The following BABAM2 variants were observed in gnomAD, a reference collection of about 807,000 sequenced individuals.
BABAM2 encodes the protein BRISC and BRCA1-A complex member 2.
In BABAM2, 31 loss-of-function variants were observed where a neutral mutation model predicts 54.7. That is an observed-to-expected ratio of 0.57 (90% CI 0.43 to 0.77). The LOEUF (loss-of-function observed/expected upper bound fraction) is 0.77, where lower values mean the gene tolerates loss of function less well. Among genes scored for constraint, BABAM2 ranks in the 30% least tolerant of loss-of-function variants. BABAM2 has a pLI of 0.00. For synonymous variants in BABAM2, 167 were observed against 162.9 expected (o/e 1.03, Z -0.19); for missense variants, 364 against 455.8 (o/e 0.80, Z 1.83).
At position 28,335,767 on chromosome 2, in the gene BABAM2, C is replaced by A. The variant is rs1020388183; in HGVS notation, c.1089-2683C>A. Among the ~76,000 whole-genome samples the A allele has an allele frequency of 3.3e-5, 5 of 152,122 alleles. No individual in the cohort carries two copies. The East Asian group carries it at 5.8e-4, about 18-fold the overall frequency. ...AGTATTTGTCCTGAGCATGAATAAG[C>A]CCAGAGGTGGCAAATGGCATGTGTG... is the stretch of plus-strand genomic sequence containing the variant. On this transcript the variant is annotated intron_variant, in intron 11 of 11. Coordinates refer to ENST00000379624, the MANE Select transcript of BABAM2 (RefSeq NM_199191.3).
intron 11 of BABAM2, among the ~76,000 whole-genome samples, chr2:28,312,199 G>A (rs558207850): frequency 6.6e-6 from 1 of 152,322 alleles, no homozygotes; most frequent in South Asian, 2.1e-4. Context: ...TGTCCATTGT[G>A]TGCATATCAT....
intron 6 of BABAM2, among the ~76,000 whole-genome samples, chr2:28,075,528 T>TTCTCTCTC (rs3056389): frequency 5.3e-5 from 8 of 150,244 alleles, no homozygotes; most frequent in African/African-American, 2.0e-4. Context: ...CATCACGTTT[T>TTCTCTCTC]TCTCTCTCTC....
chr2:28,243,403 G>A (rs986329148), intron 9 of BABAM2, among the ~76,000 whole-genome samples: 2 of 152,064 alleles, frequency 1.3e-5, no homozygotes, highest in Non-Finnish European at 1.5e-5. Context: ...GTGGTGGCGG[G>A]TGCCTGTAAT....
chr2:27,900,857 C>T (rs908292750), intron 2 of BABAM2, among the ~76,000 whole-genome samples: 6 of 152,010 alleles, frequency 3.9e-5, no homozygotes, highest in Non-Finnish European at 7.4e-5. Context: ...TCCTGGCTAA[C>T]ACGGTGAAAC....
At chr2:28,183,739 T>TCACACACC (rs1553336499) in intron 7 of BABAM2, among the ~76,000 whole-genome samples, 2 of 133,124 alleles carry the variant, frequency 1.5e-5, no homozygotes, top group Non-Finnish European at 3.4e-5. Context: ...TGGATGAAGA[T>TCACACACC]CACACACACA....
intron 1 of BABAM2, among the ~76,000 whole-genome samples, chr2:27,892,863 C>T (rs1231311420): frequency 2.0e-5 from 3 of 152,042 alleles, no homozygotes; most frequent in Non-Finnish European, 4.4e-5. Context: ...TTTATATTTA[C>T]AAAAAGGATG....
At chr2:28,305,421 A>G (rs762934802) in intron 11 of BABAM2, among the ~76,000 whole-genome samples, 9 of 152,134 alleles carry the variant, frequency 5.9e-5, no homozygotes, top group Non-Finnish European at 1.2e-4. Flanking sequence ...CCTGTTTTAT[A>G]TTATTAAATT....
At chr2:27,957,233 G>T (rs1350066325) in intron 3 of BABAM2, among the ~76,000 whole-genome samples, 1 of 152,180 alleles carries the variant, frequency 6.6e-6, no homozygotes, top group Non-Finnish European at 1.5e-5. Context: ...ACAATCTCCT[G>T]TAGAAAGAAA....
chr2:28,306,579 CCTTT>C (rs1195696039), intron 11 of BABAM2, among the ~76,000 whole-genome samples: 1 of 151,866 alleles, frequency 6.6e-6, no homozygotes, highest in Non-Finnish European at 1.5e-5. Flanking sequence ...TTTTTTTCAT[CCTTT>C]CTTTATCCTG....
intron 10 of BABAM2, among the ~76,000 whole-genome samples, chr2:28,248,207 C>CTTTTTCTTTTTT (rs1553349503): frequency 0.021 from 1,155 of 54,216 alleles, 187 homozygotes; most frequent in Non-Finnish European, 0.031. Flanking sequence ...TTTTCTTTTT[C>CTTTTTCTTTTTT]TTTTTTTTTT....
At chr2:28,234,848 C>T (rs528486725) in intron 7 of BABAM2, among the ~76,000 whole-genome samples, 2 of 152,338 alleles carry the variant, frequency 1.3e-5, no homozygotes, top group Non-Finnish European at 2.9e-5. Context: ...AGACAAAAAG[C>T]CTTCCTCTTG....
chr2:27,951,221 A>G (rs1669695500), intron 3 of BABAM2, among the ~76,000 whole-genome samples: 1 of 152,088 alleles, frequency 6.6e-6, no homozygotes, highest in Admixed American at 6.6e-5. Flanking sequence ...TTCGTAGTTT[A>G]TTAACATGGT....
intron 2 of BABAM2, among the ~76,000 whole-genome samples, chr2:27,915,321 G>A (rs913923000): frequency 6.6e-6 from 1 of 152,124 alleles, no homozygotes; most frequent in Non-Finnish European, 1.5e-5. Context: ...TTGAATACTC[G>A]TGACAGCAAG....
intron 7 of BABAM2, among the ~76,000 whole-genome samples, chr2:28,176,569 C>CAAAAAA (rs778275011): frequency 0.013 from 63 of 5,040 alleles, 26 homozygotes; most frequent in African/African-American, 0.016. Flanking sequence ...GACTCTATCT[C>CAAAAAA]AAAAAAAAAA....
rs545389949 is a variant in BABAM2, at chr2:28,319,296, T to C, written c.1089-19154T>C. ...ACAAAGAAAAGGCTCCCCCTTTGGG[T>C]TGGTGCAGAGTTAGCTTTAGGTAAA... On this transcript the variant is annotated intron_variant, in intron 11 of 11. Transcript: ENST00000379624. Among the ~76,000 whole-genome samples the C allele has an allele frequency of 2.0e-5, 3 of 152,326 alleles. No homozygotes were observed. In the South Asian group the frequency reaches 6.2e-4, roughly 32 times the overall value.
chr2:28,058,177 A>AT (rs985405812), intron 6 of BABAM2, among the ~76,000 whole-genome samples: 8 of 151,982 alleles, frequency 5.3e-5, no homozygotes, highest in Admixed American at 1.3e-4. Context: ...AAGAACAAGC[A>AT]TTTTTTTAGG....
At chr2:27,901,067 A>G (rs1451922506) in intron 2 of BABAM2, among the ~76,000 whole-genome samples, 1 of 149,712 alleles carries the variant, frequency 6.7e-6, no homozygotes, top group African/African-American at 2.5e-5. Context: ...AAAAAAGGAA[A>G]TTATAGTAAA....
At chr2:28,103,345 G>A (rs2148711856) in intron 6 of BABAM2, among the ~76,000 whole-genome samples, 1 of 130,566 alleles carries the variant, frequency 7.7e-6, no homozygotes, top group African/African-American at 2.8e-5. Context: ...ACAGGTTCTT[G>A]ATCCTGGCTC....
chr2:28,098,084 A>G (rs1220450056), intron 6 of BABAM2, among the ~76,000 whole-genome samples: 1 of 152,210 alleles, frequency 6.6e-6, no homozygotes, highest in Non-Finnish European at 1.5e-5. Context: ...ATGTTTTAGT[A>G]CCAATATCAA....
Sources: allele counts gnomAD v4.1 joint callset (sites outside exome capture counted in the v4.1 genomes callset), GRCh38; gene constraint gnomAD v4.1.1; transcripts MANE v1.5; gene names NCBI Gene and HGNC (gene_info 2026-07-23, HGNC 2026-07-21).